Variants in CCDC3 observed in about 807,000 individuals in gnomAD.
CCDC3 encodes the protein coiled-coil domain containing 3.
In CCDC3, 24 loss-of-function variants were observed where a neutral mutation model predicts 21.4. The ratio of observed to expected loss-of-function variants is 1.12; its 90% CI spans 0.81 to 1.58. The LOEUF (loss-of-function observed/expected upper bound fraction) is 1.58, where lower values mean the gene tolerates loss of function less well. CCDC3 is among the 40% of genes most tolerant of loss of function. CCDC3 has a pLI of 0.00. For synonymous variants in CCDC3, 186 were observed against 166.0 expected, an observed-to-expected ratio of 1.12 and a Z score of -0.93; for missense variants, 425 against 360.9, an observed-to-expected ratio of 1.18 and a Z score of -1.44.
intron 4 of CCDC3, chr10:13,058,111 T>C (rs1836705861): frequency 2.5e-6 from 2 of 809,300 alleles, no homozygotes; most frequent in Admixed American, 3.4e-5. Flanking sequence ...CTGCAATAAA[T>C]TCCTTGTTTT....
chr10:13,090,252 CTAATT>C (rs1354001623), intron 3 of CCDC3, among the ~76,000 whole-genome samples: 1 of 149,190 alleles, frequency 6.7e-6, no homozygotes, highest in Non-Finnish European at 1.5e-5. Flanking sequence ...CCATGCCTAG[CTAATT>C]TATTTTGTAT....
At chr10:12,946,715 T>A (rs1361071306) in intron 2 of CCDC3, among the ~76,000 whole-genome samples, 1 of 152,174 alleles carries the variant, frequency 6.6e-6, no homozygotes, top group Non-Finnish European at 1.5e-5. Context: ...CACCATGCCC[T>A]AAGACTCAAA....
chr10:13,096,331 G>A (rs145458195), intron 3 of CCDC3, among the ~76,000 whole-genome samples: 25 of 152,112 alleles, frequency 1.6e-4, no homozygotes, highest in African/African-American at 5.3e-4. Context: ...TTACAGGCAC[G>A]CACCACTACT....
intron 5 of CCDC3, among the ~76,000 whole-genome samples, chr10:13,007,328 A>G (rs995806426): frequency 3.3e-5 from 5 of 152,154 alleles, no homozygotes; most frequent in Non-Finnish European, 5.9e-5. Flanking sequence ...CTGGCATCTC[A>G]GCCAGCATGG....
intron 5 of CCDC3, among the ~76,000 whole-genome samples, chr10:13,032,417 T>C (rs1031709031): frequency 2.0e-5 from 3 of 152,190 alleles, no homozygotes; most frequent in Non-Finnish European, 2.9e-5. Flanking sequence ...AGCATTCCCA[T>C]TGAAAACTGG....
intron 4 of CCDC3, among the ~76,000 whole-genome samples, chr10:13,063,903 G>C (rs1009998821): frequency 7.9e-5 from 12 of 151,922 alleles, no homozygotes; most frequent in African/African-American, 2.9e-4. Context: ...CTCATTCTTA[G>C]TGTGAGTCGT....
upstream of CCDC3, among the ~76,000 whole-genome samples, chr10:13,006,659 T>A (rs911318405): frequency 6.6e-6 from 1 of 152,228 alleles, no homozygotes; most frequent in Non-Finnish European, 1.5e-5. Flanking sequence ...TGGGGGTTTG[T>A]CAGTTGTCAA....
chr10:13,016,952 C>CAGA (rs376735460), intron 5 of CCDC3, among the ~76,000 whole-genome samples: 1 of 152,114 alleles, frequency 6.6e-6, no homozygotes, highest in African/African-American at 2.4e-5. Context: ...TGGGAGAGGA[C>CAGA]AGAAACAAGG....
intron 2 of CCDC3, among the ~76,000 whole-genome samples, chr10:12,936,628 G>A (rs1161824991): frequency 6.6e-6 from 1 of 152,236 alleles, no homozygotes; most frequent in East Asian, 1.9e-4. Context: ...TGGTTGAACA[G>A]TTCCTCCTAA....
chr10:13,074,153 A>ATATATTTTTT (rs1365749317), intron 3 of CCDC3: 1 of 64,308 alleles, frequency 1.6e-5, no homozygotes, highest in East Asian at 5.7e-4. Flanking sequence ...ATATATATAT[A>ATATATTTTTT]TTTTTTTTTT....
chr10:13,019,783 G>A (rs188078692), intron 5 of CCDC3, among the ~76,000 whole-genome samples: 4 of 152,084 alleles, frequency 2.6e-5, no homozygotes, highest in Non-Finnish European at 5.9e-5. Context: ...ATCACCTGAG[G>A]TCAGGAGTTC....
intron 2 of CCDC3, among the ~76,000 whole-genome samples, chr10:12,915,352 A>G (rs1379083209): frequency 6.6e-6 from 1 of 152,190 alleles, no homozygotes; most frequent in East Asian, 1.9e-4. Flanking sequence ...CATTCATTAA[A>G]TGTCTTGTTT....
chr10:13,008,184 T>C (rs7913819), intron 5 of CCDC3, among the ~76,000 whole-genome samples: 39,226 of 152,094 alleles, frequency 0.26, 6,353 homozygotes, highest in Non-Finnish European at 0.36. Context: ...AGTGGCCTCC[T>C]AGGCATGCAG....
chr10:12,920,851 A>G (rs1181236354), intron 2 of CCDC3, among the ~76,000 whole-genome samples: 1 of 152,238 alleles, frequency 6.6e-6, no homozygotes, highest in African/African-American at 2.4e-5. Flanking sequence ...CTCAAAAGGT[A>G]GCGCTCCCAT....
chr10:12,949,295 G>T (rs1181372306), intron 2 of CCDC3, among the ~76,000 whole-genome samples: 1 of 152,184 alleles, frequency 6.6e-6, no homozygotes, highest in Non-Finnish European at 1.5e-5. Context: ...TTGGCTATGG[G>T]ATATAAGCAG....
intron 2 of CCDC3, among the ~76,000 whole-genome samples, chr10:12,910,452 G>A (rs547830240): frequency 6.6e-6 from 1 of 152,092 alleles, no homozygotes; most frequent in East Asian, 1.9e-4. Context: ...ATTTTATTTG[G>A]TAAAAATATT....
chr10:12,940,534 G>A (rs923478639), intron 2 of CCDC3, among the ~76,000 whole-genome samples: 3 of 152,108 alleles, frequency 2.0e-5, no homozygotes, highest in African/African-American at 4.8e-5. Context: ...GATAGGATCC[G>A]GGGTCAGATA....
chr10:12,991,314 G>T (rs1835678964), intron 2 of CCDC3, among the ~76,000 whole-genome samples: 1 of 136,144 alleles, frequency 7.3e-6, no homozygotes, highest in African/African-American at 2.9e-5. Flanking sequence ...TTTTTTTGTT[G>T]TTGTTGTTTT....
intron 2 of CCDC3, among the ~76,000 whole-genome samples, chr10:12,932,502 T>C (rs79719452): frequency 0.05 from 7,607 of 152,310 alleles, 378 homozygotes; most frequent in African/African-American, 0.12. Context: ...AGCAATTGAC[T>C]TTTGTCTGTT....
Sources: gnomAD v4.1 joint callset for allele counts (sites outside exome capture counted in the v4.1 genomes callset) on GRCh38, gnomAD v4.1.1 for gene constraint, MANE v1.5 for transcripts, NCBI Gene and HGNC (gene_info 2026-07-23, HGNC 2026-07-21) for gene names.